CACNA1D: variants seen among roughly 807,000 people sequenced by gnomAD.
CACNA1D encodes calcium voltage-gated channel subunit alpha1 D.
In CACNA1D, 55 loss-of-function variants were observed where a neutral mutation model predicts 257.1. The observed-to-expected ratio is 0.21, with a 90% CI of 0.17 to 0.27. The LOEUF (loss-of-function observed/expected upper bound fraction) is 0.27, where lower values mean the gene tolerates loss of function less well. CACNA1D is among the 10% of genes least tolerant of loss of function. The pLI is 1.00. For synonymous variants in CACNA1D, 980 were observed against 1,014.9 expected, an observed-to-expected ratio of 0.97 and a Z score of 0.65; for missense variants, 1,876 against 2,784.0, an observed-to-expected ratio of 0.67 and a Z score of 7.34.
intron 3 of CACNA1D, among the ~76,000 whole-genome samples, chr3:53,524,622 A>T (rs541072615): frequency 3.0e-4 from 45 of 152,340 alleles, no homozygotes; most frequent in African/African-American, 1.1e-3. Context: ...GTACATGTGT[A>T]CCTGGCCTTT....
intron 9 of CACNA1D, among the ~76,000 whole-genome samples, chr3:53,713,712 A>G (rs2094788487): frequency 6.6e-6 from 1 of 152,206 alleles, no homozygotes; most frequent in African/African-American, 2.4e-5. Context: ...ATTGCCCATG[A>G]TAACATCTGG....
intron 2 of CACNA1D, among the ~76,000 whole-genome samples, chr3:53,500,162 T>C (rs532705648): frequency 6.0e-4 from 85 of 142,224 alleles, no homozygotes; most frequent in African/African-American, 2.2e-3. Flanking sequence ...GAGGCTGAGG[T>C]GAGCAGATTG....
chr3:53,740,528 C>CT (rs1231528170), intron 21 of CACNA1D, 189 bp downstream of exon 21: 1 of 607,540 alleles, frequency 1.6e-6, no homozygotes, highest in Admixed American at 2.5e-5. Context: ...GCGTGTGACA[C>CT]ACAGGAAAGA....
rs992180214 is a variant in CACNA1D at position 53,745,851 on chromosome 3, C to G, written c.3143C>G (p.Ala1048Gly). ...KGKFYRCTDE[A>G]KSNPEECRGL... ...AAGTTCTATCGCTGTACGGATGAAGCCAAAAGTAACCCTGAAGAATGCAGG... is the reference window on the plus strand; with the variant it reads ...AAGTTCTATCGCTGTACGGATGAAGGCAAAAGTAACCCTGAAGAATGCAGG... Residue 1048 changes from alanine to glycine, a missense_variant, in exon 25 of 48, where the codon GCC (alanine) becomes GGC (glycine). Transcript: ENST00000350061. 10 of 1,613,600 alleles carry G rather than the reference C, an allele frequency of 6.2e-6. No individual in the cohort carries two copies. The highest frequency in any genetic ancestry group is 1.6e-4 in the Middle Eastern group (1 of 6,082).
intron 3 of CACNA1D, among the ~76,000 whole-genome samples, chr3:53,562,439 T>TA (rs1258949251): frequency 2.0e-5 from 3 of 152,254 alleles, no homozygotes; most frequent in African/African-American, 7.2e-5. Flanking sequence ...GTGGGTTTTT[T>TA]ATTAATCCAT....
intron 3 of CACNA1D, among the ~76,000 whole-genome samples, chr3:53,640,702 A>G (rs1253475823): frequency 6.6e-6 from 1 of 152,250 alleles, no homozygotes; most frequent in Admixed American, 6.5e-5. Context: ...TCATGATGAC[A>G]TGTCAAAACA....
intron 3 of CACNA1D, among the ~76,000 whole-genome samples, chr3:53,539,662 GCATGT>G (rs2092243190): frequency 6.6e-6 from 1 of 152,196 alleles, no homozygotes; most frequent in Admixed American, 6.5e-5. Context: ...TAGATGCTAT[GCATGT>G]CTTCTTTCCA....
At chr3:53,775,654 C>T (rs562679862) in intron 34 of CACNA1D, among the ~76,000 whole-genome samples, 9 of 152,162 alleles carry the variant, frequency 5.9e-5, no homozygotes, top group African/African-American at 1.2e-4. Context: ...ACAGTTAGCG[C>T]GCTTGCATCA....
At chr3:53,528,411 CTGTTAT>C (rs1267818800) in intron 3 of CACNA1D, among the ~76,000 whole-genome samples, 3 of 152,120 alleles carry the variant, frequency 2.0e-5, no homozygotes, top group African/African-American at 7.2e-5. Flanking sequence ...TATCTCTGTA[CTGTTAT>C]TATTACTGAT....
intron 7 of CACNA1D, among the ~76,000 whole-genome samples, chr3:53,670,072 C>T (rs533823490): frequency 1.3e-5 from 2 of 152,292 alleles, no homozygotes; most frequent in South Asian, 4.1e-4. Context: ...CTTGTCTTAG[C>T]ACCAAGCTCT....
chr3:53,713,666 A>T (rs564144631), intron 9 of CACNA1D, among the ~76,000 whole-genome samples: 53 of 152,290 alleles, frequency 3.5e-4, no homozygotes, highest in African/African-American at 1.3e-3. Context: ...TGCTTACCTG[A>T]GAAGCAGCAG....
chr3:53,777,351 C>A (rs1228019095), intron 37 of CACNA1D, among the ~76,000 whole-genome samples: 1 of 152,194 alleles, frequency 6.6e-6, no homozygotes, highest in African/African-American at 2.4e-5. Context: ...GCCCCAGGTA[C>A]AAGCTGAGCC....
chr3:53,810,591 C>G (rs912630701), intron 47 of CACNA1D: 2 of 432,860 alleles, frequency 4.6e-6, no homozygotes, highest in African/African-American at 2.0e-5. Flanking sequence ...AACCCCGTCT[C>G]TACTAAAAAT....
In CACNA1D at chr3:53,772,782, C is replaced by T. The variant is rs368387921; in HGVS notation, c.4045-51C>T. 42 of 1,418,974 alleles carry T rather than the reference C, an allele frequency of 3.0e-5. No homozygotes were observed. In the Admixed American group the frequency reaches 4.5e-4, roughly 15 times the overall value. 87.9% of individuals were successfully genotyped at this position (1,418,974 alleles called of 1,614,324 possible). On this transcript the variant is annotated intron_variant, in intron 32 of 47. Transcript: ENST00000350061. ...TGGGTCTTCTCAGGCTGTGGCGGGC[C>T]GTCACGGGGACAGCCGGCTGGTGCT...
intron 30 of CACNA1D, among the ~76,000 whole-genome samples, chr3:53,767,282 A>AG (rs2095338511): frequency 6.6e-6 from 1 of 152,108 alleles, no homozygotes; most frequent in Admixed American, 6.5e-5. Context: ...CCCAACATGG[A>AG]GGTCTGGCGC....
At chr3:53,803,741 A>G (rs1013075058) in intron 44 of CACNA1D, among the ~76,000 whole-genome samples, 169 bp downstream of exon 44, 1 of 152,258 alleles carries the variant, frequency 6.6e-6, no homozygotes, top group African/African-American at 2.4e-5. Flanking sequence ...AGAGAGCCGC[A>G]GAGAGGCAGG....
chr3:53,673,613 A>C lies in CACNA1D; in HGVS notation c.1220+487A>C. 1.2e-6 allele frequency: 1 copy of C among 868,838 alleles called. No individual in the cohort carries two copies. Among genetic ancestry groups the C allele is most frequent in the Non-Finnish European group, 2.0e-6 (1 of 503,856 alleles). The allele number at this position is 868,838 out of a possible 1,614,324, so 53.8% of individuals were successfully genotyped here. ...TAGGCCCAGTCCCTGTCCTAGGAGCACTAACCTTCAGCAAAGCACTGAGAG... is the reference window on the plus strand; with the variant it reads ...TAGGCCCAGTCCCTGTCCTAGGAGCCCTAACCTTCAGCAAAGCACTGAGAG... On this transcript the variant is annotated intron_variant, in intron 8 of 47. Coordinates refer to ENST00000350061, the MANE Select transcript of CACNA1D (RefSeq NM_001128840.3). The surrounding 1 kb of genome is among the most constrained non-coding windows in gnomAD (Gnocchi z 4.1).
At chr3:53,742,193 T>A (rs2095124706) in intron 21 of CACNA1D, among the ~76,000 whole-genome samples, 1 of 152,242 alleles carries the variant, frequency 6.6e-6, no homozygotes, top group Non-Finnish European at 1.5e-5. Flanking sequence ...GGCGATTTCA[T>A]AAGGTTCAAT....
At chr3:53,506,194 A>G (rs1039268934) in intron 3 of CACNA1D, among the ~76,000 whole-genome samples, 13 of 152,126 alleles carry the variant, frequency 8.5e-5, no homozygotes, top group East Asian at 5.8e-4. Flanking sequence ...GGTTCTGTCT[A>G]TTCTTCTCAG....
Sources: gnomAD v4.1 joint callset for allele counts (sites outside exome capture counted in the v4.1 genomes callset) on GRCh38, gnomAD v4.1.1 for gene constraint, Gnocchi (gnomAD v3.1) non-coding constraint, MANE v1.5 for transcripts, NCBI Gene and HGNC (gene_info 2026-07-23, HGNC 2026-07-21) for gene names.